Variants in GPC3 observed in about 807,000 individuals in gnomAD.
GPC3 encodes the protein glypican-3.
In GPC3, 3 loss-of-function variants were observed where a neutral mutation model predicts 34.4. That is an observed-to-expected ratio of 0.09 (90% CI 0.04 to 0.23). The LOEUF (loss-of-function observed/expected upper bound fraction) is 0.23. GPC3 is among the 10% of genes least tolerant of loss of function. GPC3 has a pLI of 1.00. For synonymous variants in GPC3, 177 were observed against 174.0 expected (o/e 1.02, Z -0.13); for missense variants, 351 against 445.6 (o/e 0.79, Z 1.91).
intron 2 of GPC3, among the ~76,000 whole-genome samples, chrX:133,781,908 T>C (rs1009209239): frequency 8.9e-6 from 1 of 111,957 alleles, no homozygotes; most frequent in Non-Finnish European, 1.9e-5. Flanking sequence ...ATCTCTCTTA[T>C]GCCCTCAACA....
intron 1 of GPC3, among the ~76,000 whole-genome samples, chrX:133,978,292 G>A (rs1487724910): frequency 1.8e-5 from 2 of 111,848 alleles, no homozygotes; most frequent in East Asian, 2.8e-4. Flanking sequence ...AAGAAATGCC[G>A]AACACTGAGG....
chrX:133,550,532 T>G (rs1202080038), intron 7 of GPC3, among the ~76,000 whole-genome samples: 1 of 111,987 alleles, frequency 8.9e-6, no homozygotes. Flanking sequence ...GAAATTCACC[T>G]TATTCCCCTC....
intron 2 of GPC3, among the ~76,000 whole-genome samples, chrX:133,781,980 C>T (rs1022662853): frequency 8.9e-6 from 1 of 111,960 alleles, no homozygotes; most frequent in Non-Finnish European, 1.9e-5. Context: ...AAATTCATAA[C>T]TTCTTTTGGA....
intron 6 of GPC3, among the ~76,000 whole-genome samples, chrX:133,647,954 G>A (rs7052366): frequency 8.9e-6 from 1 of 111,779 alleles, no homozygotes; most frequent in Non-Finnish European, 1.9e-5. Flanking sequence ...GTTCAATAAG[G>A]GACAAATCTC....
At chrX:133,575,763 C>G (rs2069674196) in intron 7 of GPC3, among the ~76,000 whole-genome samples, 1 of 111,934 alleles carries the variant, frequency 8.9e-6, no homozygotes, top group South Asian at 3.8e-4. Flanking sequence ...AATTATAGCT[C>G]TCAAGTACAG....
At chrX:133,919,639 C>G (rs970478440) in intron 2 of GPC3, among the ~76,000 whole-genome samples, 2 of 109,987 alleles carry the variant, frequency 1.8e-5, no homozygotes, top group African/African-American at 6.6e-5. Context: ...CTGGGTAACA[C>G]AGGGAGATCC....
chrX:133,804,447 G>A (rs970088205), intron 2 of GPC3, among the ~76,000 whole-genome samples: 9 of 110,106 alleles, frequency 8.2e-5, no homozygotes, highest in African/African-American at 2.6e-4. Flanking sequence ...TGCTCTCTTC[G>A]GAAGATTCCT....
chrX:133,593,551 G>T (rs1351307968), intron 7 of GPC3, among the ~76,000 whole-genome samples: 1 of 108,889 alleles, frequency 9.2e-6, no homozygotes, highest in Non-Finnish European at 1.9e-5. Context: ...CTCTACTAAG[G>T]AGTCTTAGCT....
chrX:133,765,574 A>G (rs2071837323), intron 2 of GPC3, among the ~76,000 whole-genome samples: 1 of 111,690 alleles, frequency 9.0e-6, no homozygotes, highest in African/African-American at 3.2e-5. Flanking sequence ...TGTTATTATT[A>G]GGACAATTAA....
At chrX:133,597,344 G>T (rs2069929851) in intron 6 of GPC3, among the ~76,000 whole-genome samples, 1 of 111,098 alleles carries the variant, frequency 9.0e-6, no homozygotes, top group Non-Finnish European at 1.9e-5. Context: ...CCGCACGAAG[G>T]GTCCCTGAGG....
chrX:133,884,125 T>TC (rs2076053213), intron 2 of GPC3, among the ~76,000 whole-genome samples: 1 of 111,659 alleles, frequency 9.0e-6, no homozygotes, highest in African/African-American at 3.3e-5. Flanking sequence ...AAGAAAAGTT[T>TC]CTAAGGGTGA....
At chrX:133,670,806 G>A (rs190406591) in intron 5 of GPC3, among the ~76,000 whole-genome samples, 6 of 112,269 alleles carry the variant, frequency 5.3e-5, no homozygotes, top group East Asian at 5.6e-4. Context: ...ATGATACAGT[G>A]TTAATTTACA....
At chrX:133,825,785 C>T (rs1390162891) in intron 2 of GPC3, among the ~76,000 whole-genome samples, 1 of 111,925 alleles carries the variant, frequency 8.9e-6, no homozygotes, top group African/African-American at 3.2e-5. Context: ...AGACCCTGCA[C>T]AAGTAAGAAA....
At chrX:133,960,703 T>C (rs898004268) in intron 1 of GPC3, among the ~76,000 whole-genome samples, 3 of 111,201 alleles carry the variant, frequency 2.7e-5, no homozygotes, top group Admixed American at 9.5e-5. Context: ...GATTATTTTT[T>C]TTTTTGCTAA....
intron 7 of GPC3, among the ~76,000 whole-genome samples, chrX:133,543,394 C>T (rs1190041168): frequency 8.9e-6 from 1 of 112,231 alleles, no homozygotes; most frequent in Non-Finnish European, 1.9e-5. Flanking sequence ...GCGTGGATTA[C>T]AGGTGTGAGC....
intron 2 of GPC3, among the ~76,000 whole-genome samples, chrX:133,884,285 T>G (rs2076053921): frequency 8.9e-6 from 1 of 111,776 alleles, no homozygotes; most frequent in South Asian, 3.7e-4. Flanking sequence ...TATCTATCAG[T>G]TTTCTGTGAA....
At chrX:133,770,867 G>A (rs1011157483) in intron 2 of GPC3, among the ~76,000 whole-genome samples, 1 of 111,917 alleles carries the variant, frequency 8.9e-6, no homozygotes, top group Admixed American at 9.5e-5. Context: ...TCTTCTAGGA[G>A]TTTCACCCTC....
At chrX:133,813,451 A>G (rs2124529231) in intron 2 of GPC3, among the ~76,000 whole-genome samples, 1 of 112,780 alleles carries the variant, frequency 8.9e-6, no homozygotes, top group East Asian at 2.8e-4. Flanking sequence ...GGGAAGTATT[A>G]TTGGTGGAAA....
chrX:133,717,336 G>T (rs2071324112), intron 3 of GPC3, among the ~76,000 whole-genome samples: 2 of 110,926 alleles, frequency 1.8e-5, no homozygotes, highest in African/African-American at 6.6e-5. Flanking sequence ...CCCTCATATT[G>T]TCTTATGCCC....
Sources: allele counts gnomAD v4.1 joint callset (sites outside exome capture counted in the v4.1 genomes callset), GRCh38; gene constraint gnomAD v4.1.1; transcripts MANE v1.5; gene names NCBI Gene and HGNC (gene_info 2026-07-23, HGNC 2026-07-21).